The following KIF16B variants were observed in gnomAD, a reference collection of about 807,000 sequenced individuals.
The protein encoded by KIF16B is kinesin family member 16B.
Under a neutral mutation model 156.3 loss-of-function variants are expected in KIF16B, and 98 were observed. The ratio of observed to expected loss-of-function variants is 0.63; its 90% CI spans 0.53 to 0.74. KIF16B has a LOEUF of 0.74. Ranked by LOEUF, KIF16B falls within the 30% of genes least tolerant of loss-of-function variation. The probability of loss-of-function intolerance (pLI) is 0.00; values close to 1 mark genes in which losing one functional copy is unlikely to be tolerated. For synonymous variants in KIF16B, 564 were observed against 583.7 expected, an observed-to-expected ratio of 0.97 and a Z score of 0.49; for missense variants, 1,421 against 1,606.5, an observed-to-expected ratio of 0.88 and a Z score of 1.97.
At chr20:16,477,795 T>C (rs868317017) in intron 12 of KIF16B, among the ~76,000 whole-genome samples, 2 of 152,174 alleles carry the variant, frequency 1.3e-5, no homozygotes, top group South Asian at 2.1e-4. Context: ...AGGAAGAACT[T>C]TGACCTGGCT....
rs1294245387 is a variant in KIF16B, at chr20:16,461,442, T to G, written c.1303-31460A>C. On this transcript the variant is annotated intron_variant, in intron 12 of 25. Transcript: ENST00000354981. The stretch of plus-strand genomic sequence containing the variant: ...TCTACTTAAAATAAACAGGCCCATT[T>G]TGTCTATCACTATACATGAAAAAAA... 3.3e-5 allele frequency among the ~76,000 whole-genome samples: 5 copies of G among 152,266 alleles called. No homozygotes were observed. In the South Asian group the frequency reaches 6.2e-4, roughly 19 times the overall value.
At chr20:16,390,419 C>A (rs1342157121) in intron 17 of KIF16B, among the ~76,000 whole-genome samples, 4 of 152,096 alleles carry the variant, frequency 2.6e-5, no homozygotes, top group Admixed American at 6.5e-5. Flanking sequence ...CTAATCAAGC[C>A]AGAGGATCAC....
Position 16,285,457 on chromosome 20 carries a change from T to A in KIF16B, c.3796-12046A>T, listed in dbSNP as rs547974128. 1.5e-3 allele frequency among the ~76,000 whole-genome samples: 230 copies of A among 152,306 alleles called. 1 individual carries two copies. The highest frequency in any genetic ancestry group is 2.5e-3 in the Non-Finnish European group (170 of 68,030). On this transcript the variant is annotated intron_variant, in intron 25 of 25. Coordinates refer to ENST00000354981, the MANE Select transcript of KIF16B (RefSeq NM_024704.5). ...CAAATCTCCAGTGCATCCAAAAAAATTTATTGTTATTAGTTTTTTTGCGTA... is the reference window on the plus strand; with the variant it reads ...CAAATCTCCAGTGCATCCAAAAAAAATTATTGTTATTAGTTTTTTTGCGTA...
chr20:16,367,244 G>C (rs1200347525), intron 22 of KIF16B: 1 of 1,612,912 alleles, frequency 6.2e-7, no homozygotes, highest in East Asian at 2.2e-5. Context: ...CTGCCTTGAA[G>C]ATACAATGGG....
At chr20:16,330,694 C>A (rs2122894242) in intron 24 of KIF16B, among the ~76,000 whole-genome samples, 1 of 152,152 alleles carries the variant, frequency 6.6e-6, no homozygotes, top group East Asian at 1.9e-4. Context: ...AAAAATGACA[C>A]CCCTGACTCC....
At chr20:16,449,049 T>C (rs1288175962) in intron 12 of KIF16B, among the ~76,000 whole-genome samples, 1 of 151,654 alleles carries the variant, frequency 6.6e-6, no homozygotes, top group East Asian at 1.9e-4. Context: ...GTGTCAAGAA[T>C]AAATAGATGA....
rs2069118487 is a variant in KIF16B, at chr20:16,515,635, C to G, written c.261G>C (p.Val87=). 3 of 1,612,564 alleles carry G rather than the reference C, an allele frequency of 1.9e-6. No homozygotes were observed. The highest frequency in any genetic ancestry group is 4.5e-5 in the East Asian group (2 of 44,834). The change falls in exon 4 of 26, where the codon GTG becomes GTC. Residue 87 remains valine (V), a synonymous_variant. Coordinates refer to ENST00000354981, the MANE Select transcript of KIF16B (RefSeq NM_024704.5). ...CATTATAACCTTCAAATGCAGACTT[C>G]ACGACATCTGTGCCGAGGGTTTTGA... ...MVFKTLGTDV[V]KSAFEGYNAC...
At chr20:16,453,265 CTCAA>C (rs1465147961) in intron 12 of KIF16B, among the ~76,000 whole-genome samples, 2 of 151,934 alleles carry the variant, frequency 1.3e-5, no homozygotes, top group Non-Finnish European at 2.9e-5. Flanking sequence ...GAGATCCTGT[CTCAA>C]TCAATCAATC....
intron 25 of KIF16B, among the ~76,000 whole-genome samples, chr20:16,277,459 T>TTATATATATA (rs60624017): frequency 4.4e-4 from 63 of 143,902 alleles, no homozygotes; most frequent in African/African-American, 1.1e-3. Context: ...TATGTACATA[T>TTATATATATA]TATATATATA....
At chr20:16,466,604 T>G (rs1212105417) in intron 12 of KIF16B, among the ~76,000 whole-genome samples, 5 of 152,236 alleles carry the variant, frequency 3.3e-5, no homozygotes, top group Non-Finnish European at 5.9e-5. Context: ...GCTCCTCCTT[T>G]GCCTTCTGCC....
chr20:16,307,248 T>C (rs900947068), intron 25 of KIF16B, among the ~76,000 whole-genome samples: 1 of 152,208 alleles, frequency 6.6e-6, no homozygotes, highest in African/African-American at 2.4e-5. Context: ...TGACAGATTA[T>C]TAAAATGATT....
intron 3 of KIF16B, among the ~76,000 whole-genome samples, chr20:16,517,875 G>T (rs1406593741): frequency 6.6e-6 from 1 of 152,158 alleles, no homozygotes; most frequent in African/African-American, 2.4e-5. Context: ...AATAAAGAAG[G>T]ACTGTTTCTC....
chr20:16,333,574 C>T (rs1217814245), intron 24 of KIF16B, among the ~76,000 whole-genome samples: 1 of 152,052 alleles, frequency 6.6e-6, no homozygotes, highest in African/African-American at 2.4e-5. Flanking sequence ...CACCCTTTTT[C>T]CTCTGGAAAA....
chr20:16,318,646 C>T (rs2063732445), intron 24 of KIF16B, among the ~76,000 whole-genome samples: 1 of 151,798 alleles, frequency 6.6e-6, no homozygotes, highest in African/African-American at 2.4e-5. Flanking sequence ...TGGTGGATAA[C>T]CCAAAATAGA....
At chr20:16,369,426 G>A (rs1233114097) in intron 22 of KIF16B, among the ~76,000 whole-genome samples, 2 of 151,456 alleles carry the variant, frequency 1.3e-5, no homozygotes, top group East Asian at 1.9e-4. Flanking sequence ...TTAAAGAATC[G>A]ATTATCTGAT....
At chr20:16,276,634 T>C (rs1014631587) in intron 25 of KIF16B, among the ~76,000 whole-genome samples, 4 of 152,218 alleles carry the variant, frequency 2.6e-5, no homozygotes, top group East Asian at 3.8e-4. Flanking sequence ...ATGACCTTTG[T>C]TGGCCATGTC....
intron 17 of KIF16B, among the ~76,000 whole-genome samples, chr20:16,402,803 G>T (rs2065688007): frequency 6.6e-6 from 1 of 152,170 alleles, no homozygotes; most frequent in African/African-American, 2.4e-5. Flanking sequence ...TTAGACCATG[G>T]AAAGTCACTG....
intron 3 of KIF16B, among the ~76,000 whole-genome samples, chr20:16,524,706 A>G (rs1172911261): frequency 6.6e-6 from 1 of 152,172 alleles, no homozygotes; most frequent in Non-Finnish European, 1.5e-5. Flanking sequence ...AAATCATTCT[A>G]CTATAAAGAC....
rs1044201138 is a variant in KIF16B at position 16,272,593 on chromosome 20, A to G, written c.*660T>C. On this transcript the variant is annotated 3_prime_UTR_variant, in exon 26 of 26. Coordinates refer to ENST00000354981, the MANE Select transcript of KIF16B (RefSeq NM_024704.5). ...AAATATCCTAATTGTAGGGATTTAT[A>G]GAAGTTTTAAGTAATGTTGTCTACA... is the stretch of plus-strand genomic sequence containing the variant. 1.3e-5 allele frequency: 2 copies of G among 152,666 alleles called. No homozygotes were observed. Among genetic ancestry groups the G allele is most frequent in the Admixed American group, 1.3e-4 (2 of 15,288 alleles). 9.5% of individuals were successfully genotyped at this position (152,666 alleles called of 1,614,324 possible).
Sources: allele counts gnomAD v4.1 joint callset (sites outside exome capture counted in the v4.1 genomes callset), GRCh38; gene constraint gnomAD v4.1.1; transcripts MANE v1.5; gene names NCBI Gene and HGNC (gene_info 2026-07-23, HGNC 2026-07-21).